GALNT11: variants seen among roughly 807,000 people sequenced by gnomAD.
The protein encoded by GALNT11 is polypeptide N-acetylgalactosaminyltransferase 11.
A neutral mutation model predicts 72.7 loss-of-function variants in GALNT11; 47 were observed. The ratio of observed to expected loss-of-function variants is 0.65; its 90% CI spans 0.51 to 0.82. The LOEUF (loss-of-function observed/expected upper bound fraction) is 0.82. GALNT11 is among the 40% of genes least tolerant of loss of function. The pLI, the probability that GALNT11 is intolerant of heterozygous loss-of-function variation, is 0.00. For synonymous variants in GALNT11, 270 were observed against 286.6 expected, an observed-to-expected ratio of 0.94 and a Z score of 0.58; for missense variants, 677 against 778.4, an observed-to-expected ratio of 0.87 and a Z score of 1.55.
At chr7:152,069,231 G>T (rs1368567361) in intron 1 of GALNT11, among the ~76,000 whole-genome samples, 1 of 152,054 alleles carries the variant, frequency 6.6e-6, no homozygotes, top group Non-Finnish European at 1.5e-5. Context: ...TAGATATTGG[G>T]GGATTTTCCA....
chr7:152,099,947 A>ATTTT (rs768708954), intron 2 of GALNT11, among the ~76,000 whole-genome samples: 78 of 114,450 alleles, frequency 6.8e-4, no homozygotes, highest in African/African-American at 1.5e-3. Context: ...CACCTGGCTA[A>ATTTT]TTTTTTTTTT....
At chr7:152,026,475 A>G (rs2082020430) in intron 1 of GALNT11, among the ~76,000 whole-genome samples, 1 of 152,296 alleles carries the variant, frequency 6.6e-6, no homozygotes, top group Non-Finnish European at 1.5e-5. Flanking sequence ...ACCCTGAAAC[A>G]GTTGTGTGGA....
chr7:152,116,077 A>C (rs528471518), intron 8 of GALNT11, among the ~76,000 whole-genome samples: 2 of 152,222 alleles, frequency 1.3e-5, no homozygotes, highest in Admixed American at 1.3e-4. Flanking sequence ...TACTGAGGAG[A>C]TCAGTGGTTT....
chr7:152,098,633 ATTCT>A (rs777668047), intron 2 of GALNT11, among the ~76,000 whole-genome samples: 1 of 152,136 alleles, frequency 6.6e-6, no homozygotes, highest in Non-Finnish European at 1.5e-5. Flanking sequence ...ATAGAACATG[ATTCT>A]TTCATGTTCT....
intron 3 of GALNT11, among the ~76,000 whole-genome samples, chr7:152,101,371 G>A (rs1287105171): frequency 2.6e-5 from 4 of 151,976 alleles, no homozygotes; most frequent in Admixed American, 1.3e-4. Flanking sequence ...TTTGCTACAC[G>A]CCGTCTTGAG....
intron 1 of GALNT11, among the ~76,000 whole-genome samples, chr7:152,084,612 CCTT>C (rs1342778055): frequency 1.3e-5 from 2 of 152,252 alleles, no homozygotes; most frequent in East Asian, 1.9e-4. Context: ...TCTTGCCTCT[CCTT>C]CTTCACAATA....
intron 1 of GALNT11, among the ~76,000 whole-genome samples, chr7:152,070,582 A>C (rs1329475107): frequency 6.6e-6 from 1 of 152,134 alleles, no homozygotes; most frequent in Non-Finnish European, 1.5e-5. Context: ...AGTTCTTCTC[A>C]CATTGTATCA....
intron 7 of GALNT11, among the ~76,000 whole-genome samples, chr7:152,111,628 G>GTGTATATATA (rs553453480): frequency 4.0e-4 from 58 of 144,868 alleles, no homozygotes; most frequent in African/African-American, 1.5e-3. Context: ...GTGTGTGTGT[G>GTGTATATATA]TATATATATA....
At chr7:152,036,679 G>C (rs2082595754) in intron 1 of GALNT11, among the ~76,000 whole-genome samples, 1 of 152,158 alleles carries the variant, frequency 6.6e-6, no homozygotes, top group Non-Finnish European at 1.5e-5. Flanking sequence ...TCTCCATAGT[G>C]CTTGTACTAA....
Position 152,119,065 on chromosome 7 carries a change from G to A in GALNT11, c.1557+283G>A, listed in dbSNP as rs1587507382. The A allele has an allele frequency of 2.1e-5, 5 of 241,222 alleles. No homozygotes were observed. The East Asian group carries it at 4.1e-4, about 20-fold the overall frequency. 14.9% of individuals were successfully genotyped at this position (241,222 alleles called of 1,614,324 possible). A position where few individuals can be genotyped will look rare whatever the true frequency, so the allele number is the denominator to read the frequency against. On this transcript the variant is annotated intron_variant, in intron 10 of 11. Coordinates refer to ENST00000430044, the MANE Select transcript of GALNT11 (RefSeq NM_022087.4). ...GTGGCCTTAGATGACACCTCAGTCA[G>A]CTACTTTCGTCTCCTTTGTATGTTT... is the stretch of plus-strand genomic sequence containing the variant.
intron 1 of GALNT11, among the ~76,000 whole-genome samples, chr7:152,032,880 A>G (rs1275985601): frequency 2.0e-5 from 3 of 152,186 alleles, no homozygotes; most frequent in African/African-American, 4.8e-5. Flanking sequence ...GAAAAGAGCA[A>G]AGTCTCCCAA....
chr7:152,068,224 T>C (rs2084427392), intron 1 of GALNT11, among the ~76,000 whole-genome samples: 1 of 152,190 alleles, frequency 6.6e-6, no homozygotes. Context: ...CTCTTTATCA[T>C]CTCTATAGTT....
intron 10 of GALNT11, 129 bp from the exon 11 acceptor site, chr7:152,120,702 C>T (rs1292334020): frequency 2.6e-6 from 2 of 769,396 alleles, no homozygotes; most frequent in African/African-American, 3.5e-5. Context: ...AATCTGCTTC[C>T]CTGTAAGTCT....
intron 2 of GALNT11, among the ~76,000 whole-genome samples, chr7:152,097,475 A>G (rs553699297): frequency 6.6e-6 from 1 of 152,214 alleles, no homozygotes; most frequent in Non-Finnish European, 1.5e-5. Flanking sequence ...GAATTATCAT[A>G]TAACCCAGCA....
At chr7:152,077,384 G>C (rs1328571933) in intron 1 of GALNT11, among the ~76,000 whole-genome samples, 1 of 152,208 alleles carries the variant, frequency 6.6e-6, no homozygotes, top group Non-Finnish European at 1.5e-5. Flanking sequence ...TGTTCTGGAA[G>C]AGCAGGTGAG....
At chr7:152,053,285 T>G (rs1563048731) in intron 1 of GALNT11, among the ~76,000 whole-genome samples, 1 of 152,220 alleles carries the variant, frequency 6.6e-6, no homozygotes, top group African/African-American at 2.4e-5. Flanking sequence ...TCCAGTAACC[T>G]TATCCTGCTC....
chr7:152,089,972 C>T (rs943201292), intron 1 of GALNT11, among the ~76,000 whole-genome samples: 4 of 152,134 alleles, frequency 2.6e-5, no homozygotes, highest in African/African-American at 9.7e-5. Flanking sequence ...ACATGACTCC[C>T]GAGCAGTAAG....
intron 6 of GALNT11, among the ~76,000 whole-genome samples, chr7:152,109,769 A>G (rs1428827567): frequency 2.6e-5 from 4 of 152,128 alleles, no homozygotes; most frequent in African/African-American, 9.7e-5. Flanking sequence ...TTTTCCCTGC[A>G]GAGATAATTT....
At chr7:152,047,687 CGT>C (rs141152865) in intron 1 of GALNT11, among the ~76,000 whole-genome samples, 2,449 of 146,470 alleles carry the variant, frequency 0.017, 63 homozygotes, top group African/African-American at 0.054. Context: ...ACAGTGACAC[CGT>C]GTGTGTGTGT....
Sources: gnomAD v4.1 joint callset for allele counts (sites outside exome capture counted in the v4.1 genomes callset) on GRCh38, gnomAD v4.1.1 for gene constraint, MANE v1.5 for transcripts, NCBI Gene and HGNC (gene_info 2026-07-23, HGNC 2026-07-21) for gene names.